The following LRP1B variants were observed in gnomAD, a reference collection of about 807,000 sequenced individuals.
LRP1B encodes the protein low-density lipoprotein receptor-related protein 1B.
Under a neutral mutation model 556.6 loss-of-function variants are expected in LRP1B, and 217 were observed. That is an observed-to-expected ratio of 0.39 (90% CI 0.35 to 0.44). The LOEUF is 0.44. Ranked by LOEUF, LRP1B falls within the 20% of genes least tolerant of loss-of-function variation. LRP1B has a pLI of 1.00. For missense variants in LRP1B, 5,053 were observed against 5,620.8 expected (o/e 0.90, Z 3.23); for synonymous variants, 2,047 against 1,865.8 (o/e 1.10, Z -2.50).
chr2:140,405,827 T>A (rs1449762032), intron 66 of LRP1B, among the ~76,000 whole-genome samples: 2 of 152,060 alleles, frequency 1.3e-5, no homozygotes, highest in African/African-American at 4.8e-5. Flanking sequence ...AAAGATAGAA[T>A]CCTTCCTAAA....
intron 27 of LRP1B, among the ~76,000 whole-genome samples, chr2:140,857,558 A>G (rs1692656809): frequency 6.6e-6 from 1 of 152,114 alleles, no homozygotes. Context: ...TACACCTAAA[A>G]TATGTGCAAG....
At chr2:141,344,613 T>A (rs1688180047) in intron 3 of LRP1B, among the ~76,000 whole-genome samples, 1 of 152,180 alleles carries the variant, frequency 6.6e-6, no homozygotes, top group Admixed American at 6.5e-5. Context: ...TCAGCACGTA[T>A]TCTCATATAT....
chr2:142,076,239 G>C (rs1705497483), intron 1 of LRP1B, among the ~76,000 whole-genome samples: 1 of 151,992 alleles, frequency 6.6e-6, no homozygotes, highest in Admixed American at 6.6e-5. Flanking sequence ...ACCACAATAT[G>C]TTCCAAATGA....
At chr2:140,628,537 GAAA>G (rs71408464) in intron 41 of LRP1B, among the ~76,000 whole-genome samples, 10 of 138,400 alleles carry the variant, frequency 7.2e-5, no homozygotes, top group African/African-American at 2.7e-4. Flanking sequence ...ACTCTGTCTC[GAAA>G]AAAAAAAAAA....
chr2:141,357,025 AT>A (rs1487181633), intron 3 of LRP1B, among the ~76,000 whole-genome samples: 3 of 151,620 alleles, frequency 2.0e-5, no homozygotes, highest in Non-Finnish European at 2.9e-5. Context: ...CACTTTTTAA[AT>A]TTTTTTATTT....
intron 1 of LRP1B, among the ~76,000 whole-genome samples, chr2:142,002,709 C>T (rs967500874): frequency 8.6e-5 from 13 of 151,988 alleles, no homozygotes; most frequent in Non-Finnish European, 1.8e-4. Context: ...GTCAATTGTG[C>T]GGCTGAAGAG....
At chr2:140,591,105 C>A (rs1682205214) in intron 43 of LRP1B, among the ~76,000 whole-genome samples, 2 of 151,868 alleles carry the variant, frequency 1.3e-5, no homozygotes, top group African/African-American at 4.8e-5. Flanking sequence ...CTATTCATGC[C>A]CAAGAATACT....
intron 83 of LRP1B, among the ~76,000 whole-genome samples, chr2:140,314,090 A>G (rs1489643641): frequency 6.6e-6 from 1 of 151,984 alleles, no homozygotes; most frequent in African/African-American, 2.4e-5. Flanking sequence ...AGAAGCAGTG[A>G]GAACTCCCAC....
chr2:141,699,404 T>C (rs1226559307), intron 2 of LRP1B, among the ~76,000 whole-genome samples: 2 of 151,866 alleles, frequency 1.3e-5, no homozygotes, highest in African/African-American at 2.4e-5. Flanking sequence ...TTTTCTTTAA[T>C]AGTCACATCA....
At chr2:141,935,027 C>T (rs544654941) in intron 1 of LRP1B, among the ~76,000 whole-genome samples, 3 of 146,904 alleles carry the variant, frequency 2.0e-5, no homozygotes, top group Non-Finnish European at 4.5e-5. Context: ...TGGAGTTGTC[C>T]TAGGAAAACT....
intron 3 of LRP1B, among the ~76,000 whole-genome samples, chr2:141,300,227 G>C (rs1384653244): frequency 2.0e-5 from 3 of 152,142 alleles, no homozygotes; most frequent in Non-Finnish European, 4.4e-5. Flanking sequence ...ATGGTACTCT[G>C]TGATATCAGC....
At chr2:141,793,865 G>C (rs1695709786) in intron 2 of LRP1B, among the ~76,000 whole-genome samples, 3 of 151,712 alleles carry the variant, frequency 2.0e-5, no homozygotes, top group Admixed American at 1.3e-4. Context: ...TGTACATAGA[G>C]AGGAGTTTTT....
chr2:140,385,866 A>C, intron 67 of LRP1B, 27 bp downstream of exon 67: 2 of 1,507,176 alleles, frequency 1.3e-6, no homozygotes, highest in South Asian at 1.1e-5. Flanking sequence ...GTCAAGCTCA[A>C]AACATTATTA....
intron 1 of LRP1B, among the ~76,000 whole-genome samples, chr2:142,108,587 T>C (rs1673102913): frequency 6.6e-6 from 1 of 152,206 alleles, no homozygotes; most frequent in Non-Finnish European, 1.5e-5. Context: ...TAATATCCTA[T>C]ATTTGCTTTC....
intron 2 of LRP1B, among the ~76,000 whole-genome samples, chr2:141,669,234 G>T (rs1690569679): frequency 1.3e-5 from 2 of 152,206 alleles, no homozygotes; most frequent in South Asian, 4.2e-4. Flanking sequence ...GTCTATAAAA[G>T]AGATTAGTAA....
At chr2:141,520,336 C>T (rs900795370) in intron 2 of LRP1B, among the ~76,000 whole-genome samples, 5 of 152,126 alleles carry the variant, frequency 3.3e-5, no homozygotes, top group African/African-American at 9.7e-5. Context: ...CAAAACCAGT[C>T]GTAATTGCCA....
At chr2:141,137,785 C>T (rs772701251) in intron 7 of LRP1B, among the ~76,000 whole-genome samples, 4 of 151,914 alleles carry the variant, frequency 2.6e-5, no homozygotes, top group Non-Finnish European at 4.4e-5. Context: ...TAGGTTTTTA[C>T]CCAATACACC....
At chr2:140,651,504 A>T (rs997090851) in intron 41 of LRP1B, among the ~76,000 whole-genome samples, 12 of 134,656 alleles carry the variant, frequency 8.9e-5, no homozygotes, top group South Asian at 4.9e-4. Flanking sequence ...AAGTATAATT[A>T]AAAAAAAACA....
Position 141,037,771 on chromosome 2 carries a change from C to A in LRP1B, c.1789+11215G>T, listed in dbSNP as rs371116635. Reference sequence around the variant, plus strand: ...ACATTCGGGGATGCAAAGTAACAAGCAAAAACTTCATGTCCTTTGGCCAAA... The same window carrying A: ...ACATTCGGGGATGCAAAGTAACAAGAAAAAACTTCATGTCCTTTGGCCAAA... On this transcript the variant is annotated intron_variant, in intron 11 of 90. Transcript: ENST00000389484. Among the ~76,000 whole-genome samples, 13 of 151,890 alleles carry A rather than the reference C, an allele frequency of 8.6e-5. No homozygotes were observed. In the East Asian group the frequency reaches 2.3e-3, roughly 27 times the overall value.
Sources: allele counts gnomAD v4.1 joint callset (sites outside exome capture counted in the v4.1 genomes callset), GRCh38; gene constraint gnomAD v4.1.1; transcripts MANE v1.5; gene names NCBI Gene and HGNC (gene_info 2026-07-23, HGNC 2026-07-21).